NRG1: variants seen among roughly 807,000 people sequenced by gnomAD.
NRG1 encodes the protein pro-neuregulin-1, membrane-bound isoform.
A neutral mutation model predicts 63.8 loss-of-function variants in NRG1; 18 were observed. The ratio of observed to expected loss-of-function variants is 0.28; its 90% CI spans 0.19 to 0.42. The LOEUF (loss-of-function observed/expected upper bound fraction) is 0.42, where lower values mean the gene tolerates loss of function less well. Among genes scored for constraint, NRG1 ranks in the 10% least tolerant of loss-of-function variants. NRG1 has a pLI of 1.00. For synonymous variants in NRG1, 302 were observed against 301.3 expected, an observed-to-expected ratio of 1.00 and a Z score of -0.02; for missense variants, 762 against 814.7, an observed-to-expected ratio of 0.94 and a Z score of 0.79.
At chr8:32,196,453 C>G (rs1223403247) in intron 1 of NRG1, among the ~76,000 whole-genome samples, 1 of 152,118 alleles carries the variant, frequency 6.6e-6, no homozygotes, top group Non-Finnish European at 1.5e-5. Context: ...GAAGTTTAGA[C>G]TCAGAATAAC....
chr8:31,776,424 G>A (rs1249203894), intron 1 of NRG1, among the ~76,000 whole-genome samples: 1 of 152,138 alleles, frequency 6.6e-6, no homozygotes, highest in Non-Finnish European at 1.5e-5. Flanking sequence ...GAAAAAATAG[G>A]AACTCTTGAA....
chr8:32,366,707 A>C (rs1431381014), intron 1 of NRG1, among the ~76,000 whole-genome samples: 1 of 69,942 alleles, frequency 1.4e-5, no homozygotes, highest in African/African-American at 4.9e-5. Flanking sequence ...ATATATATAT[A>C]TATATATCTC....
intron 1 of NRG1, among the ~76,000 whole-genome samples, chr8:31,684,669 CTA>C (rs1808675798): frequency 6.6e-6 from 1 of 152,032 alleles, no homozygotes; most frequent in Non-Finnish European, 1.5e-5. Context: ...ATAAATAACA[CTA>C]GATCACTTTT....
intron 1 of NRG1, among the ~76,000 whole-genome samples, chr8:32,401,161 G>A (rs545427244): frequency 6.6e-6 from 1 of 152,172 alleles, no homozygotes; most frequent in Admixed American, 6.5e-5. Flanking sequence ...GGTGGGAGGA[G>A]GGAGAAGATC....
chr8:32,491,871 G>C (rs1826619075), intron 1 of NRG1, among the ~76,000 whole-genome samples: 1 of 152,150 alleles, frequency 6.6e-6, no homozygotes, highest in Non-Finnish European at 1.5e-5. Context: ...GATTACCTGG[G>C]AATTAGATGG....
chr8:32,306,815 A>G (rs1384769570), intron 1 of NRG1, among the ~76,000 whole-genome samples: 1 of 152,206 alleles, frequency 6.6e-6, no homozygotes, highest in Non-Finnish European at 1.5e-5. Context: ...TTGATTGAAA[A>G]TGCTACAAAA....
chr8:32,681,364 A>G (rs1808571339), intron 5 of NRG1, among the ~76,000 whole-genome samples: 1 of 152,120 alleles, frequency 6.6e-6, no homozygotes, highest in Non-Finnish European at 1.5e-5. Context: ...ATTTAAGTAC[A>G]ATGAAGTGTC....
chr8:31,787,311 C>G (rs1425509481), intron 1 of NRG1, among the ~76,000 whole-genome samples: 1 of 152,190 alleles, frequency 6.6e-6, no homozygotes, highest in South Asian at 2.1e-4. Context: ...CTTATTACAG[C>G]CAAATGACTT....
At chr8:31,791,149 C>T (rs1245817248) in intron 1 of NRG1, among the ~76,000 whole-genome samples, 2 of 146,928 alleles carry the variant, frequency 1.4e-5, no homozygotes, top group African/African-American at 5.1e-5. Flanking sequence ...GTGGAGGTTG[C>T]AGTGAGCTGA....
Position 32,552,625 on chromosome 8 carries a change from T to C in NRG1, c.100+3799T>C, listed in dbSNP as rs555020742. 1.1e-4 allele frequency among the ~76,000 whole-genome samples: 16 copies of C among 152,344 alleles called. No individual in the cohort carries two copies. In the South Asian group the frequency reaches 3.3e-3, roughly 32 times the overall value. On this transcript the variant is annotated intron_variant, in intron 1 of 11. Transcript: ENST00000356819. ...CTGTGTTTACAGAACAAGAGGAATG[T>C]CCAGTGATCTGTTTCAACCTGGTTA...
At chr8:32,101,519 C>A (rs1585298786) in intron 1 of NRG1, among the ~76,000 whole-genome samples, 1 of 142,728 alleles carries the variant, frequency 7.0e-6, no homozygotes, top group Admixed American at 7.2e-5. Flanking sequence ...ATATTTGGAG[C>A]AGGAAAGAAA....
chr8:31,988,254 A>G (rs921028826), intron 1 of NRG1, among the ~76,000 whole-genome samples: 1 of 152,120 alleles, frequency 6.6e-6, no homozygotes, highest in Admixed American at 6.6e-5. Flanking sequence ...AATGGTTGTA[A>G]CTGGTTAATT....
intron 1 of NRG1, chr8:32,221,193 C>T (rs572353222): frequency 1.3e-5 from 2 of 152,176 alleles, no homozygotes; most frequent in African/African-American, 4.8e-5. Context: ...ATTGTTGCTT[C>T]TGCAGAAAAT....
intron 1 of NRG1, among the ~76,000 whole-genome samples, chr8:32,262,187 A>G (rs1850453713): frequency 6.6e-6 from 1 of 152,232 alleles, no homozygotes. Flanking sequence ...CTGAAAACTT[A>G]GGAAAAAGAG....
At chr8:32,487,175 CAG>C (rs1290292893) in intron 1 of NRG1, among the ~76,000 whole-genome samples, 1 of 147,336 alleles carries the variant, frequency 6.8e-6, no homozygotes, top group East Asian at 2.0e-4. Context: ...TAACGTAAAA[CAG>C]TGTTGGATTT....
chr8:31,682,663 A>G (rs1193583210), intron 1 of NRG1, among the ~76,000 whole-genome samples: 1 of 152,032 alleles, frequency 6.6e-6, no homozygotes, highest in Non-Finnish European at 1.5e-5. Context: ...AAAAAATTCG[A>G]GTGTTGTTTT....
chr8:31,949,459 A>G (rs1290405301), intron 1 of NRG1, among the ~76,000 whole-genome samples: 1 of 152,162 alleles, frequency 6.6e-6, no homozygotes, highest in Non-Finnish European at 1.5e-5. Context: ...AGGGTCATCA[A>G]TTCCTCCACA....
chr8:32,538,901 C>T (rs1245612541), intron 1 of NRG1, among the ~76,000 whole-genome samples: 1 of 152,082 alleles, frequency 6.6e-6, no homozygotes, highest in African/African-American at 2.4e-5. Context: ...ACTGAAGATA[C>T]AGAGAAGGAA....
chr8:32,761,061 T>A, intron 11 of NRG1: 1 of 935,314 alleles, frequency 1.1e-6, no homozygotes, highest in Non-Finnish European at 1.3e-6. Context: ...TCCAGAATGT[T>A]TTGGCTTTCC....
Sources: allele counts gnomAD v4.1 joint callset (sites outside exome capture counted in the v4.1 genomes callset), GRCh38; gene constraint gnomAD v4.1.1; transcripts MANE v1.5; gene names NCBI Gene and HGNC (gene_info 2026-07-23, HGNC 2026-07-21).